Variants in DISP1 observed in about 807,000 individuals in gnomAD.
DISP1 encodes protein dispatched homolog 1.
In DISP1, 30 loss-of-function variants were observed where a neutral mutation model predicts 37.3. That is an observed-to-expected ratio of 0.80 (90% confidence interval 0.60 to 1.09). The LOEUF (loss-of-function observed/expected upper bound fraction) is 1.09, where lower values mean the gene tolerates loss of function less well. Ranked by LOEUF, DISP1 falls within the 50% of genes least tolerant of loss-of-function variation. DISP1 has a pLI of 0.00. For missense variants in DISP1, 1,598 were observed against 1,879.5 expected, an observed-to-expected ratio of 0.85 and a Z score of 2.77; for synonymous variants, 634 against 690.2, an observed-to-expected ratio of 0.92 and a Z score of 1.28.
Position 223,004,381 on chromosome 1 carries a change from C to G in DISP1, c.2984C>G (p.Ala995Gly). Residue 995 changes from alanine (A) to glycine (G), a missense_variant, in exon 9 of 9, where the codon GCA becomes GGA. By Grantham distance (60) the Ala-to-Gly change is moderately conservative. Transcript: ENST00000675850. The surrounding 1 kb of genome is among the most constrained non-coding windows in gnomAD (Gnocchi z 4.9). ...LIAMGLSVAV[A>G]FSVMLLTTWN... ...GCCATGGGGCTGTCAGTTGCTGTTGCATTTAGCGTGATGCTGCTGACAACT... is the reference window on the plus strand; with the variant it reads ...GCCATGGGGCTGTCAGTTGCTGTTGGATTTAGCGTGATGCTGCTGACAACT... 6.2e-7 allele frequency: 1 copy of G among 1,614,198 alleles called. No individual in the cohort carries two copies. The highest frequency in any genetic ancestry group is 8.5e-7 in the Non-Finnish European group (1 of 1,180,032).
At chr1:222,849,487 G>A (rs1668106682) in intron 1 of DISP1, among the ~76,000 whole-genome samples, 1 of 150,740 alleles carries the variant, frequency 6.6e-6, no homozygotes, top group African/African-American at 2.5e-5. Flanking sequence ...CAAGATCACT[G>A]TACCTAAAAA....
intron 3 of DISP1, among the ~76,000 whole-genome samples, chr1:222,958,765 C>A (rs180880546): frequency 6.6e-6 from 1 of 152,152 alleles, no homozygotes; most frequent in East Asian, 1.9e-4. Context: ...ATATGCTTAA[C>A]CAGAACATCA....
At chr1:222,996,518 G>A (rs2102767422) in intron 8 of DISP1, among the ~76,000 whole-genome samples, 1 of 152,238 alleles carries the variant, frequency 6.6e-6, no homozygotes, top group East Asian at 1.9e-4. Context: ...ACCTTTGGTT[G>A]ATCTTCAGAC....
chr1:222,961,726 C>T (rs1430753780), intron 3 of DISP1, among the ~76,000 whole-genome samples: 2 of 152,070 alleles, frequency 1.3e-5, no homozygotes, highest in East Asian at 1.9e-4. Context: ...ACCCCATCAT[C>T]GCCAGGCACA....
chr1:222,820,240 C>G (rs1662489926), intron 1 of DISP1, among the ~76,000 whole-genome samples: 1 of 152,138 alleles, frequency 6.6e-6, no homozygotes, highest in Admixed American at 6.5e-5. Context: ...TCGGGCTATT[C>G]AGTTACATTA....
chr1:222,838,958 G>C (rs151032507), intron 1 of DISP1, among the ~76,000 whole-genome samples: 313 of 152,210 alleles, frequency 2.1e-3, no homozygotes, highest in Non-Finnish European at 3.3e-3. Context: ...TTTGTGATAG[G>C]CGCATTCCTT....
chr1:223,005,421 G>T lies in DISP1; in HGVS notation c.4024G>T (p.Val1342Leu), dbSNP rs754730870. ...CCACTGTCCCTGCCTGCAGGGCAGA[G>T]TAAAGCCAGCCGGAATGCAGAATTC... Reference protein sequence around the residue: ...IHHCPCLQGRVKPAGMQNSLP... With the variant: ...IHHCPCLQGRLKPAGMQNSLP... The change falls in exon 9 of 9, where the codon GTA becomes TTA. Residue 1342 changes from valine to leucine, a missense_variant. Transcript: ENST00000675850. 1 of 1,613,460 alleles carries T rather than the reference G, an allele frequency of 6.2e-7. No individual in the cohort carries two copies. The highest frequency in any genetic ancestry group is 8.5e-7 in the Non-Finnish European group (1 of 1,180,034).
intron 1 of DISP1, among the ~76,000 whole-genome samples, chr1:222,882,708 G>C (rs1041621182): frequency 6.6e-6 from 1 of 151,952 alleles, no homozygotes; most frequent in Non-Finnish European, 1.5e-5. Context: ...TATGGAATTT[G>C]ACAGAACAAA....
chr1:222,868,317 A>C (rs1046199370), intron 1 of DISP1, among the ~76,000 whole-genome samples: 7 of 152,066 alleles, frequency 4.6e-5, no homozygotes, highest in Admixed American at 4.6e-4. Flanking sequence ...GTGTTATCCA[A>C]TGAAAAAAAT....
intron 2 of DISP1, among the ~76,000 whole-genome samples, chr1:222,942,401 G>A (rs144023045): frequency 4.5e-4 from 69 of 152,016 alleles, no homozygotes; most frequent in African/African-American, 1.5e-3. Flanking sequence ...CATTTTGCCC[G>A]TCACTCCTAA....
At chr1:222,961,656 T>C (rs982117265) in intron 3 of DISP1, among the ~76,000 whole-genome samples, 3 of 152,146 alleles carry the variant, frequency 2.0e-5, no homozygotes, top group African/African-American at 4.8e-5. Flanking sequence ...CGTATTCAAA[T>C]AGGAAGAGAG....
intron 1 of DISP1, among the ~76,000 whole-genome samples, chr1:222,902,090 A>T (rs1441110559): frequency 7.1e-6 from 1 of 141,656 alleles, no homozygotes; most frequent in African/African-American, 2.7e-5. Context: ...AATTTTGTTG[A>T]TCTTTTCAAA....
chr1:223,005,646 T>G lies in DISP1; in HGVS notation c.4249T>G (p.Cys1417Gly), dbSNP rs184692250. The G allele has an allele frequency of 1.9e-6, 3 of 1,613,246 alleles. No homozygotes were observed. Among genetic ancestry groups the G allele is most frequent in the Non-Finnish European group, 2.5e-6 (3 of 1,179,888 alleles). Residue 1417 changes from cysteine to glycine, a missense_variant, in exon 9 of 9, where the codon TGT becomes GGT. Physicochemically the swap from Cys to Gly is radical, Grantham distance 159. Coordinates refer to ENST00000675850, the MANE Select transcript of DISP1 (RefSeq NM_001377229.1). ...CDPENKQREL[C>G]KNRDVSNLES... The stretch of plus-strand genomic sequence containing the variant: ...CCCCGAGAATAAACAAAGGGAACTC[T>G]GTAAAAATAGAGACGTGAGCAATCT...
chr1:222,990,911 G>C (rs1458768357), intron 5 of DISP1, among the ~76,000 whole-genome samples, 163 bp downstream of exon 5: 2 of 152,142 alleles, frequency 1.3e-5, no homozygotes, highest in Non-Finnish European at 2.9e-5. Context: ...TGTATTATCA[G>C]GTTCTTAAAA....
chr1:222,932,704 C>A (rs1027110713), intron 2 of DISP1, among the ~76,000 whole-genome samples: 2 of 151,982 alleles, frequency 1.3e-5, no homozygotes, highest in Admixed American at 6.6e-5. Context: ...CTCTTTCTTT[C>A]CAGCATTGAT....
intron 3 of DISP1, among the ~76,000 whole-genome samples, chr1:222,974,882 G>A (rs982681562): frequency 6.6e-6 from 1 of 152,172 alleles, no homozygotes; most frequent in Non-Finnish European, 1.5e-5. Context: ...GCTCATCAAA[G>A]TGCGGATTTT....
chr1:222,871,062 G>T (rs1042554470), intron 1 of DISP1, among the ~76,000 whole-genome samples: 108 of 152,202 alleles, frequency 7.1e-4, no homozygotes, highest in Non-Finnish European at 1.3e-3. Flanking sequence ...TTTCCCCATT[G>T]CTTGTTTTTG....
At position 223,002,725 on chromosome 1, in the gene DISP1, A is replaced by G. The variant is rs1303421718; in HGVS notation, c.1328A>G (p.Asp443Gly). The change falls in exon 9 of 9, where the codon GAC becomes GGC. Residue 443 changes from aspartate to glycine, a missense_variant. Physicochemically the swap from Asp to Gly is moderately conservative, Grantham distance 94. Coordinates refer to ENST00000675850, the MANE Select transcript of DISP1 (RefSeq NM_001377229.1). ...DKDFMTPKTA[D>G]YATPALKYSM... ...GACTTTATGACCCCAAAGACGGCTG[A>G]CTATGCCACGCCAGCTTTAAAATAC... The G allele has an allele frequency of 1.3e-5, 21 of 1,614,054 alleles. No homozygotes were observed. The highest frequency in any genetic ancestry group is 1.7e-5 in the Non-Finnish European group (20 of 1,180,046).
intron 1 of DISP1, among the ~76,000 whole-genome samples, chr1:222,864,226 G>C (rs927984899): frequency 6.6e-6 from 1 of 152,080 alleles, no homozygotes; most frequent in Admixed American, 6.6e-5. Flanking sequence ...TGGCTCCATG[G>C]TATTGTTTTA....
Sources: allele counts gnomAD v4.1 joint callset (sites outside exome capture counted in the v4.1 genomes callset), GRCh38; gene constraint gnomAD v4.1.1; non-coding constraint Gnocchi (gnomAD v3.1); transcripts MANE v1.5; gene names NCBI Gene and HGNC (gene_info 2026-07-23, HGNC 2026-07-21).